AAR2: variants seen among roughly 807,000 people sequenced by gnomAD.
AAR2 encodes protein AAR2 homolog.
AAR2 carries 31 observed loss-of-function variants against 26.9 expected under a neutral mutation model. The ratio of observed to expected loss-of-function variants is 1.15; its 90% CI spans 0.86 to 1.55. The LOEUF (loss-of-function observed/expected upper bound fraction) is 1.55. AAR2 is among the 40% of genes most tolerant of loss of function. AAR2 has a pLI of 0.00. For missense variants in AAR2, 430 were observed against 491.3 expected (o/e 0.88, Z 1.18); for synonymous variants, 188 against 196.1 (o/e 0.96, Z 0.34).
At chr20:36,248,273 C>T (rs1290958601) in intron 3 of AAR2, among the ~76,000 whole-genome samples, 2 of 151,890 alleles carry the variant, frequency 1.3e-5, no homozygotes, top group African/African-American at 4.8e-5. Context: ...GACTCCCGCA[C>T]TGAGTCATGG....
intron 3 of AAR2, among the ~76,000 whole-genome samples, chr20:36,253,526 T>C (rs926967420): frequency 5.9e-5 from 9 of 152,234 alleles, no homozygotes; most frequent in Non-Finnish European, 1.2e-4. Context: ...TCTGTGAAAC[T>C]TCTTTGAAAA....
intron 2 of AAR2, among the ~76,000 whole-genome samples, chr20:36,243,190 T>C (rs1028050805): frequency 6.6e-6 from 1 of 152,194 alleles, no homozygotes; most frequent in African/African-American, 2.4e-5. Flanking sequence ...TTGAAAAATA[T>C]AATTTAATTT....
Position 36,237,306 on chromosome 20 carries a change from A to T in AAR2, c.-49+803A>T, listed in dbSNP as rs145135063. 2.3e-3 allele frequency among the ~76,000 whole-genome samples: 348 copies of T among 152,282 alleles called. 4 individuals carry two copies. The highest frequency in any genetic ancestry group is 0.02 in the Admixed American group (303 of 15,294). ...CTGACATGGGTGGTGTTGTGATTAG[A>T]TTGGCATTTTGAAAAGGTTACTGCT... On this transcript the variant is annotated intron_variant, in intron 1 of 3. Transcript: ENST00000320849.
intron 3 of AAR2, among the ~76,000 whole-genome samples, chr20:36,249,776 C>T (rs2064767192): frequency 2.6e-5 from 4 of 152,182 alleles, no homozygotes. Flanking sequence ...ATCAACAGAG[C>T]TAGTGAAAGG....
At position 36,248,337 on chromosome 20, in the gene AAR2, C is replaced by T. The variant is rs866673909; in HGVS notation, c.987+3411C>T. ...TTCATCTGGTTATCTTCTTCTTCTT[C>T]TTTTTTTTTTTTTTTTGAGACATAG... On this transcript the variant is annotated intron_variant, in intron 3 of 3. Transcript: ENST00000320849. Among the ~76,000 whole-genome samples the T allele has an allele frequency of 9.4e-3, 1,316 of 139,654 alleles. 28 individuals are homozygous for T. The highest frequency in any genetic ancestry group is 0.033 in the African/African-American group (1,250 of 38,206). The allele number at this position is 139,654 out of a possible 152,430, so 91.6% of individuals were successfully genotyped here. A position where few individuals can be genotyped will look rare whatever the true frequency, so the allele number is the denominator to read the frequency against.
rs568865121 is a variant in AAR2, at chr20:36,242,314, A to C, written c.757+1689A>C. Among the ~76,000 whole-genome samples the C allele has an allele frequency of 7.9e-5, 12 of 151,264 alleles. No individual in the cohort carries two copies. In the East Asian group the frequency reaches 2.4e-3, roughly 30 times the overall value. ...TTACTGTGCCTAGACAGGACTTTTT[A>C]TATCATTGGCTCAGCTAATGATATA... On this transcript the variant is annotated intron_variant, in intron 2 of 3. Transcript: ENST00000320849.
At chr20:36,236,750 C>T (rs1216267611) in intron 1 of AAR2, 2 of 152,260 alleles carry the variant, frequency 1.3e-5, no homozygotes, top group African/African-American at 4.8e-5. Flanking sequence ...TTGCACTCGA[C>T]CTGGCTCTGC....
intron 2 of AAR2, 55 bp downstream of exon 2, chr20:36,240,680 G>A (rs983094746): frequency 9.6e-6 from 15 of 1,561,988 alleles, no homozygotes; most frequent in Non-Finnish European, 1.2e-5. Flanking sequence ...ATTAGCAGAG[G>A]TGTTTTGGAA....
In AAR2 at chr20:36,240,389, T is replaced by G. The variant is rs2064666941; in HGVS notation, c.521T>G (p.Val174Gly). ...TCCATGAAGCACACCAAGGACCGCGTGGGGCAGAATCTACCCCGCTGTGGC... is the reference window on the plus strand; with the variant it reads ...TCCATGAAGCACACCAAGGACCGCGGGGGGCAGAATCTACCCCGCTGTGGC... ...VLSMKHTKDR[V>G]GQNLPRCGIE... The change falls in exon 2 of 4, where the codon GTG becomes GGG. Residue 174 changes from valine (V) to glycine (G), a missense_variant. By Grantham distance (109) the Val-to-Gly change is moderately radical. Coordinates refer to ENST00000320849, the MANE Select transcript of AAR2 (RefSeq NM_001271874.2). 6.2e-7 allele frequency: 1 copy of G among 1,614,100 alleles called. No homozygotes were observed. Among genetic ancestry groups the G allele is most frequent in the Non-Finnish European group, 8.5e-7 (1 of 1,180,054 alleles).
rs147409413 is a variant in AAR2 at position 36,256,869 on chromosome 20, A to G, written c.*1124A>G. On this transcript the variant is annotated 3_prime_UTR_variant, in exon 4 of 4. Coordinates refer to ENST00000320849, the MANE Select transcript of AAR2 (RefSeq NM_001271874.2). ...CCTGCTGGTTGAGACTTTTGCTTCC[A>G]CTTGTTTCCTTGGAGATGTTTTTCC... 5.6e-3 allele frequency: 863 copies of G among 152,744 alleles called. 7 individuals are homozygous for G. The highest frequency in any genetic ancestry group is 7.5e-3 in the South Asian group (36 of 4,818). 9.5% of individuals were successfully genotyped at this position (152,744 alleles called of 1,614,324 possible).
chr20:36,242,024 A>G (rs2064685622), intron 2 of AAR2, among the ~76,000 whole-genome samples: 1 of 152,014 alleles, frequency 6.6e-6, no homozygotes, highest in African/African-American at 2.4e-5. Context: ...CTTAAATACT[A>G]GTGACAGCAA....
At chr20:36,248,392 A>G (rs928011521) in intron 3 of AAR2, among the ~76,000 whole-genome samples, 2 of 150,906 alleles carry the variant, frequency 1.3e-5, no homozygotes, top group African/African-American at 2.4e-5. Context: ...CTGGAGTACA[A>G]TGGCGCGATC....
intron 3 of AAR2, 149 bp from the exon 4 acceptor site, chr20:36,255,429 G>C (rs186160310): frequency 1.3e-5 from 11 of 872,466 alleles, no homozygotes; most frequent in Admixed American, 2.2e-5. Context: ...TCTTGGTTTG[G>C]GGGGAGCATA....
At chr20:36,244,993 G>C (rs2064720331) in intron 3 of AAR2, 67 bp downstream of exon 3, 2 of 1,442,042 alleles carry the variant, frequency 1.4e-6, no homozygotes, top group South Asian at 2.3e-5. Context: ...TATGTGTTTT[G>C]TTTCTCGCTA....
Position 36,255,943 on chromosome 20 carries a change from C to T in AAR2, c.*198C>T, listed in dbSNP as rs900146276. On this transcript the variant is annotated 3_prime_UTR_variant, in exon 4 of 4. Coordinates refer to ENST00000320849, the MANE Select transcript of AAR2 (RefSeq NM_001271874.2). ...AGAGGCTGTACCCATCCTGAAGGCA[C>T]ATTTGTGGGTTCCCCATCAGCCAGG... is the stretch of plus-strand genomic sequence containing the variant. 4.4e-5 allele frequency: 32 copies of T among 732,732 alleles called. No individual in the cohort carries two copies. The Middle Eastern group carries it at 1.2e-3, about 28-fold the overall frequency. The allele number at this position is 732,732 out of a possible 1,614,324, so 45.4% of individuals were successfully genotyped here.
rs751882156 is a variant in AAR2 at position 36,240,282 on chromosome 20, C to A, written c.414C>A (p.Asn138Lys). The A allele has an allele frequency of 2.5e-6, 4 of 1,614,238 alleles. No individual in the cohort carries two copies. The South Asian group carries it at 4.4e-5, about 18-fold the overall frequency. ...ATLKKWISLT[N>K]FISEATVEKL... ...TGAAGAAGTGGATCTCACTCACCAA[C>A]TTCATCAGCGAAGCCACAGTGGAGA... Residue 138 changes from asparagine to lysine, a missense_variant, in exon 2 of 4, where the codon AAC (asparagine) becomes AAA (lysine). By Grantham distance (94) the Asn-to-Lys change is moderately conservative (BLOSUM62 0). Coordinates refer to ENST00000320849, the MANE Select transcript of AAR2 (RefSeq NM_001271874.2).
In AAR2 at chr20:36,255,989, AATTT is replaced by A; in HGVS notation, c.*245_*248del. 1 of 516,438 alleles carries A rather than the reference AATTT, an allele frequency of 1.9e-6. No homozygotes were observed. 32.0% of individuals were successfully genotyped at this position (516,438 alleles called of 1,614,324 possible). A position where few individuals can be genotyped will look rare whatever the true frequency, so the allele number is the denominator to read the frequency against. On this transcript the variant is annotated 3_prime_UTR_variant, in exon 4 of 4. Coordinates refer to ENST00000320849, the MANE Select transcript of AAR2 (RefSeq NM_001271874.2). ...CCAGGCCTTGGTGCTAACCTGGCTG[AATTT>A]CACACAGGCTCTTACACACACACGC... is the stretch of plus-strand genomic sequence containing the variant.
At chr20:36,243,688 T>C (rs1023019234) in intron 2 of AAR2, among the ~76,000 whole-genome samples, 1 of 152,218 alleles carries the variant, frequency 6.6e-6, no homozygotes, top group Non-Finnish European at 1.5e-5. Context: ...TGATAGAAAT[T>C]GGGAACATAA....
At chr20:36,246,759 C>T (rs2064738177) in intron 3 of AAR2, among the ~76,000 whole-genome samples, 2 of 152,196 alleles carry the variant, frequency 1.3e-5, no homozygotes. Context: ...GCTAGATGCC[C>T]AGGTGGGTTG....
Sources: gnomAD v4.1 joint callset for allele counts (sites outside exome capture counted in the v4.1 genomes callset) on GRCh38, gnomAD v4.1.1 for gene constraint, MANE v1.5 for transcripts, NCBI Gene and HGNC (gene_info 2026-07-23, HGNC 2026-07-21) for gene names.